The following FGD5 variants were observed in gnomAD, a reference collection of about 807,000 sequenced individuals.
The protein encoded by FGD5 is FYVE, RhoGEF and PH domain-containing protein 5.
FGD5 carries 28 observed loss-of-function variants against 133.4 expected under a neutral mutation model. The observed-to-expected ratio is 0.21, with a 90% CI of 0.16 to 0.29. The LOEUF (loss-of-function observed/expected upper bound fraction) is 0.29. Among genes scored for constraint, FGD5 ranks in the 10% least tolerant of loss-of-function variants. The probability of loss-of-function intolerance (pLI) is 1.00; values close to 1 mark genes in which losing one functional copy is unlikely to be tolerated. For synonymous variants in FGD5, 810 were observed against 776.5 expected, an observed-to-expected ratio of 1.04 and a Z score of -0.72; for missense variants, 1,858 against 1,895.2, an observed-to-expected ratio of 0.98 and a Z score of 0.36.
Position 14,922,124 on chromosome 3 carries a change from C to A in FGD5, c.3669+107C>A. 1 of 1,234,672 alleles carries A rather than the reference C, an allele frequency of 8.1e-7. No homozygotes were observed. The highest frequency in any genetic ancestry group is 1.1e-6 in the Non-Finnish European group (1 of 872,528). The allele number at this position is 1,234,672 out of a possible 1,614,324, so 76.5% of individuals were successfully genotyped here. A position where few individuals can be genotyped will look rare whatever the true frequency, so the allele number is the denominator to read the frequency against. Reference sequence around the variant, plus strand: ...ACCCAGATGGACGTGTAGCTCCTGTCTTGGGGCACTGGCTCCCCCCACACC... The same window carrying A: ...ACCCAGATGGACGTGTAGCTCCTGTATTGGGGCACTGGCTCCCCCCACACC... On this transcript the variant is annotated intron_variant, in intron 14 of 19. Transcript: ENST00000285046. The surrounding 1 kb of genome is among the most constrained non-coding windows in gnomAD (Gnocchi z 4.1).
chr3:14,811,104 G>A (rs946732701), intron 1 of FGD5, among the ~76,000 whole-genome samples: 4 of 152,238 alleles, frequency 2.6e-5, no homozygotes, highest in African/African-American at 9.6e-5. Flanking sequence ...CCTTGGCGAG[G>A]CCGCGCCCTG....
intron 2 of FGD5, among the ~76,000 whole-genome samples, chr3:14,878,358 G>A (rs144430541): frequency 1.1e-3 from 167 of 152,326 alleles, no homozygotes; most frequent in African/African-American, 3.8e-3. Flanking sequence ...TGCTGCTACT[G>A]TCAGAGGAGT....
chr3:14,820,134 A>T lies in FGD5; in HGVS notation c.1063A>T (p.Thr355Ser). ...SPYEFFPTES[T>S]SFCSESCSPL... ...CTATGAGTTCTTCCCAACTGAGAGC[A>T]CCTCTTTTTGCAGCGAGAGCTGTTC... Residue 355 changes from threonine to serine, a missense_variant, in exon 1 of 20, where the codon ACC (threonine) becomes TCC (serine). By Grantham distance (58) the Thr-to-Ser change is moderately conservative. Transcript: ENST00000285046. 1 of 1,613,950 alleles carries T rather than the reference A, an allele frequency of 6.2e-7. No homozygotes were observed.
At chr3:14,866,137 T>C (rs1046103535) in intron 2 of FGD5, among the ~76,000 whole-genome samples, 3 of 152,152 alleles carry the variant, frequency 2.0e-5, no homozygotes, top group African/African-American at 7.2e-5. Flanking sequence ...CTGAGTTCTC[T>C]TTTAAACCCT....
Position 14,821,204 on chromosome 3 carries a change from G to A in FGD5, c.2133G>A (p.Gly711=). The A allele has an allele frequency of 6.2e-7, 1 of 1,613,944 alleles. No homozygotes were observed. The highest frequency in any genetic ancestry group is 1.1e-5 in the South Asian group (1 of 91,076). Residue 711 remains glycine, a synonymous_variant, in exon 1 of 20, where the codon GGG becomes GGA. Transcript: ENST00000285046. ...CCCCTCAGCTTAAGTCTCGGACTGG[G>A]AAGCTCCGGGCTTCTGAATCCCCCT... ...SNSPQLKSRT[G]KLRASESPSS...
Position 14,926,142 on chromosome 3 carries a change from A to C in FGD5, c.4141A>C (p.Lys1381Gln). 6.2e-7 allele frequency: 1 copy of C among 1,613,918 alleles called. No homozygotes were observed. Among genetic ancestry groups the C allele is most frequent in the South Asian group, 1.1e-5 (1 of 91,078 alleles). The change falls in exon 18 of 20, where the codon AAG (lysine) becomes CAG (glutamine). Residue 1381 changes from lysine (K) to glutamine (Q), a missense_variant. Lys to Gln is a moderately conservative substitution (Grantham distance 53, BLOSUM62 1). Around this residue, in one of 3 missense-constraint regions of FGD5, gnomAD observed 1,824 missense variants for 1,848.9 expected, o/e 0.99. Coordinates refer to ENST00000285046, the MANE Select transcript of FGD5 (RefSeq NM_152536.4). ...SRCKRGKRHW[K>Q]KLWFVIKGKV... ...GTGTAAGAGGGGCAAGCGGCACTGG[A>C]AGAAGCTCTGGTTTGTCATCAAAGG...
intron 4 of FGD5, among the ~76,000 whole-genome samples, chr3:14,883,929 G>A (rs1180221604): frequency 6.6e-6 from 1 of 152,190 alleles, no homozygotes; most frequent in Non-Finnish European, 1.5e-5. Context: ...AAGAGGGCGT[G>A]TAAGGTAAGG....
intron 9 of FGD5, among the ~76,000 whole-genome samples, chr3:14,901,349 T>C (rs2038236000): frequency 6.6e-6 from 1 of 152,212 alleles, no homozygotes; most frequent in African/African-American, 2.4e-5. Flanking sequence ...AAACTCCTAG[T>C]TCCTGGGCAC....
intron 7 of FGD5, among the ~76,000 whole-genome samples, chr3:14,900,148 G>C (rs1250902043): frequency 6.6e-6 from 1 of 152,198 alleles, no homozygotes; most frequent in Non-Finnish European, 1.5e-5. Flanking sequence ...TGTCTCCAAG[G>C]CATGGCCCAG....
At position 14,917,596 on chromosome 3, in the gene FGD5, A is replaced by G. The variant is rs1251193212; in HGVS notation, c.3489+264A>G. ...GAAGGAAGGGAAGGAGGGGCATCCT[A>G]TGAGGAGGAAAATGCATAAGGAAGG... On this transcript the variant is annotated intron_variant, in intron 12 of 19. Coordinates refer to ENST00000285046, the MANE Select transcript of FGD5 (RefSeq NM_152536.4). This position sits in a 1 kb window ranked among gnomAD's most constrained non-coding sequence, Gnocchi z 4.1. Among the ~76,000 whole-genome samples, 10 of 152,042 alleles carry G rather than the reference A, an allele frequency of 6.6e-5. No homozygotes were observed. The highest frequency in any genetic ancestry group is 6.6e-4 in the Admixed American group (10 of 15,266).
intron 4 of FGD5, among the ~76,000 whole-genome samples, chr3:14,895,405 T>C (rs150911100): frequency 5.9e-5 from 9 of 152,370 alleles, no homozygotes; most frequent in African/African-American, 1.7e-4. Flanking sequence ...AGAGGTCTAG[T>C]GTCATTCTTC....
chr3:14,829,779 A>G (rs1158433087), intron 1 of FGD5, among the ~76,000 whole-genome samples: 1 of 152,222 alleles, frequency 6.6e-6, no homozygotes, highest in East Asian at 1.9e-4. Flanking sequence ...TCTGGAATCT[A>G]GCGCAAAATC....
intron 4 of FGD5, among the ~76,000 whole-genome samples, chr3:14,894,646 G>C (rs1452160083): frequency 6.7e-6 from 1 of 149,754 alleles, no homozygotes; most frequent in Non-Finnish European, 1.5e-5. Context: ...TTCTTGAGTA[G>C]CTGAGACCAC....
At chr3:14,912,152 A>G (rs2038461832) in intron 11 of FGD5, among the ~76,000 whole-genome samples, 1 of 152,136 alleles carries the variant, frequency 6.6e-6, no homozygotes, top group Non-Finnish European at 1.5e-5. Flanking sequence ...TAGAGGGGCC[A>G]CTTGAGGACT....
chr3:14,819,696 AC>A lies in FGD5; in HGVS notation c.630del (p.Glu212ArgfsTer128). On this transcript the variant is annotated frameshift_variant, in exon 1 of 20. Coordinates refer to ENST00000285046, the MANE Select transcript of FGD5 (RefSeq NM_152536.4). LOFTEE classifies it high-confidence loss of function. The surrounding 1 kb of genome is among the most constrained non-coding windows in gnomAD (Gnocchi z 4.1). ...TGGAGAGGACCAGGAGCCCCCCGACACCCCCGGGGAGGCAGAGGAGGATGAT... is the reference window on the plus strand; with the variant it reads ...TGGAGAGGACCAGGAGCCCCCCGACACCCCGGGGAGGCAGAGGAGGATGAT... ...IHGEDQEPPDTPGEAEEDDEE... is the reference protein window; with the variant it reads ...IHGEDQEPPDXPGEAEEDDEE... 1 of 1,536,456 alleles carries A rather than the reference AC, an allele frequency of 6.5e-7. No individual in the cohort carries two copies. The highest frequency in any genetic ancestry group is 8.8e-7 in the Non-Finnish European group (1 of 1,139,110).
At position 14,923,091 on chromosome 3, in the gene FGD5, C is replaced by T. The variant is rs1379894908; in HGVS notation, c.3853C>T (p.Leu1285=). 5 of 1,613,784 alleles carry T rather than the reference C, an allele frequency of 3.1e-6. No individual in the cohort carries two copies. Among genetic ancestry groups the T allele is most frequent in the Non-Finnish European group, 4.2e-6 (5 of 1,179,886 alleles). The change falls in exon 16 of 20, where the codon CTG becomes TTG. Residue 1285 remains leucine, a synonymous_variant. Coordinates refer to ENST00000285046, the MANE Select transcript of FGD5 (RefSeq NM_152536.4). Reference sequence around the variant, plus strand: ...GCGGAACAAGTACCCGCTGAAGTACCTGAAGGACAGGATGGCCAAGGTCTG... The same window carrying T: ...GCGGAACAAGTACCCGCTGAAGTACTTGAAGGACAGGATGGCCAAGGTCTG... ...CSRNKYPLKY[L]KDRMAKVCDG...
At chr3:14,916,025 G>C (rs2038547082) in intron 11 of FGD5, among the ~76,000 whole-genome samples, 1 of 152,196 alleles carries the variant, frequency 6.6e-6, no homozygotes, top group Non-Finnish European at 1.5e-5. Context: ...TGTGCATAGG[G>C]CTCCCCCTGG....
At position 14,933,326 on chromosome 3, in the gene FGD5, C is replaced by T; in HGVS notation, c.*159C>T. ...CCGCCCCACCACTCCCCTGCCCTTG[C>T]CAACATCTTCATGAATGGAATCCTT... On this transcript the variant is annotated 3_prime_UTR_variant, in exon 20 of 20. Transcript: ENST00000285046. 4 of 721,584 alleles carry T rather than the reference C, an allele frequency of 5.5e-6. No individual in the cohort carries two copies. In the Admixed American group the frequency reaches 6.5e-5, roughly 12 times the overall value. The allele number at this position is 721,584 out of a possible 1,614,324, so 44.7% of individuals were successfully genotyped here. A position where few individuals can be genotyped will look rare whatever the true frequency, so the allele number is the denominator to read the frequency against.
chr3:14,903,379 T>G (rs572750166), intron 9 of FGD5, among the ~76,000 whole-genome samples: 157 of 152,248 alleles, frequency 1.0e-3, no homozygotes, highest in African/African-American at 2.5e-3. Flanking sequence ...ATTATTATAC[T>G]TTTAGGGTAC....
Sources: allele counts gnomAD v4.1 joint callset (sites outside exome capture counted in the v4.1 genomes callset), GRCh38; gene constraint gnomAD v4.1.1; regional missense constraint gnomAD v4.1.1; non-coding constraint Gnocchi (gnomAD v3.1); transcripts MANE v1.5; gene names NCBI Gene and HGNC (gene_info 2026-07-23, HGNC 2026-07-21).